DLG4: variants seen among roughly 807,000 people sequenced by gnomAD.
The protein encoded by DLG4 is disks large homolog 4.
Under a neutral mutation model 93.8 loss-of-function variants are expected in DLG4, and 7 were observed. That is an observed-to-expected ratio of 0.07 (90% CI 0.04 to 0.14). The LOEUF is 0.14. Among genes scored for constraint, DLG4 ranks in the 10% least tolerant of loss-of-function variants. The pLI is 1.00. For missense variants in DLG4, 545 were observed against 992.9 expected (o/e 0.55, Z 6.06); for synonymous variants, 341 against 387.6 (o/e 0.88, Z 1.41).
intron 1 of DLG4, among the ~76,000 whole-genome samples, chr17:7,214,421 G>T (rs1426794205): frequency 6.6e-6 from 1 of 152,044 alleles, no homozygotes; most frequent in Non-Finnish European, 1.5e-5. Flanking sequence ...CTGCCCGGGA[G>T]GCCACGCCTC....
upstream of DLG4, chr17:7,219,122 T>C (rs2071069449): frequency 1.9e-6 from 1 of 535,882 alleles, no homozygotes; most frequent in South Asian, 2.5e-5. Flanking sequence ...AAAAAGAAGC[T>C]GAGCCCAGCT....
At chr17:7,219,734 A>G, upstream of DLG4, 1 of 1,436,264 alleles carries the variant, frequency 7.0e-7, no homozygotes, top group Non-Finnish European at 9.1e-7. Flanking sequence ...GGAGGACTAG[A>G]CTCTAGGTCG....
chr17:7,217,632 A>G (rs1438124761), upstream of DLG4: 1 of 1,133,278 alleles, frequency 8.8e-7, no homozygotes, highest in Non-Finnish European at 1.2e-6. Context: ...AGGAGGAGAG[A>G]GGAAGCAGGG....
At chr17:7,201,849 C>T (rs1325545491) in intron 8 of DLG4, among the ~76,000 whole-genome samples, 3 of 152,096 alleles carry the variant, frequency 2.0e-5, no homozygotes, top group Non-Finnish European at 4.4e-5. Context: ...CCACTGCACT[C>T]CAGCCTGGGC....
rs1023167681 is a variant in DLG4, at chr17:7,187,898, G to A, written c.*2810C>T. On this transcript the variant is annotated 3_prime_UTR_variant, in exon 20 of 20. Coordinates refer to ENST00000399506, the MANE Select transcript of DLG4 (RefSeq NM_001321075.3). The stretch of plus-strand genomic sequence containing the variant: ...AGCTTGGCTAACATGGTGAAACCCC[G>A]TTTCTACTAAAAATATTAAAAAATA... Among the ~76,000 whole-genome samples, 8 of 151,978 alleles carry A rather than the reference G, an allele frequency of 5.3e-5. No homozygotes were observed. Among genetic ancestry groups the A allele is most frequent in the Non-Finnish European group, 1.0e-4 (7 of 67,974 alleles).
Position 7,195,627 on chromosome 17 carries a change from C to T in DLG4, c.1301+593G>A, listed in dbSNP as rs2069734034. Among the ~76,000 whole-genome samples, 1 of 152,140 alleles carries T rather than the reference C, an allele frequency of 6.6e-6. No individual in the cohort carries two copies. The highest frequency in any genetic ancestry group is 1.5e-5 in the Non-Finnish European group (1 of 68,022). ...CTGGAAATAGGTCAGCCAGGGCCAG[C>T]ACCTCCGAGAGACATCTGCAGAGCG... On this transcript the variant is annotated intron_variant, in intron 11 of 19. Transcript: ENST00000399506. The surrounding 1 kb of genome is among the most constrained non-coding windows in gnomAD (Gnocchi z 4.3).
Position 7,212,674 on chromosome 17 carries a change from G to A in DLG4, c.31-4435C>T, listed in dbSNP as rs2070755914. 2.0e-5 allele frequency among the ~76,000 whole-genome samples: 3 copies of A among 152,098 alleles called. No homozygotes were observed. In the South Asian group the frequency reaches 6.2e-4, roughly 32 times the overall value. ...AACTCTTATAAAAAGAAATGTAGAC[G>A]GGAAGATCGCTGGAGGCCAGGTGCC... On this transcript the variant is annotated intron_variant, in intron 1 of 19. Coordinates refer to ENST00000399506, the MANE Select transcript of DLG4 (RefSeq NM_001321075.3).
rs1369237010 is a variant in DLG4, at chr17:7,208,339, G to C, written c.31-100C>G. On this transcript the variant is annotated intron_variant, in intron 1 of 19. Coordinates refer to ENST00000399506, the MANE Select transcript of DLG4 (RefSeq NM_001321075.3). The surrounding 1 kb of genome is among the most constrained non-coding windows in gnomAD (Gnocchi z 5.4). ...CCTCTTCCCCCAGCCAGTGCAGTGC[G>C]GAAGGCCCTGGGGCCTGACCAGCTC... 1 of 1,101,440 alleles carries C rather than the reference G, an allele frequency of 9.1e-7. No homozygotes were observed. The highest frequency in any genetic ancestry group is 1.2e-6 in the Non-Finnish European group (1 of 841,404). The allele number at this position is 1,101,440 out of a possible 1,614,324, so 68.2% of individuals were successfully genotyped here. A position where few individuals can be genotyped will look rare whatever the true frequency, so the allele number is the denominator to read the frequency against.
intron 2 of DLG4, 184 bp from the exon 3 acceptor site, chr17:7,204,436 C>G: frequency 1.6e-6 from 1 of 611,296 alleles, no homozygotes. Flanking sequence ...CGTGCACATG[C>G]GCACGCGCAC....
chr17:7,201,192 T>C (rs1156598223), intron 8 of DLG4, among the ~76,000 whole-genome samples: 2 of 152,218 alleles, frequency 1.3e-5, no homozygotes, highest in Admixed American at 1.3e-4. Context: ...TAACTTTGCA[T>C]ATTTTTCCAG....
In DLG4 at chr17:7,203,154, C is replaced by T; in HGVS notation, c.642+39G>A. Reference sequence around the variant, plus strand: ...CCTGCCAGGGCTAGTAGGTGAGACCCAAATCTGGGCTAGAAAATGGGCTAG... The same window carrying T: ...CCTGCCAGGGCTAGTAGGTGAGACCTAAATCTGGGCTAGAAAATGGGCTAG... On this transcript the variant is annotated intron_variant, in intron 7 of 19. Transcript: ENST00000399506. This position sits in a 1 kb window ranked among gnomAD's most constrained non-coding sequence, Gnocchi z 7.2. The T allele has an allele frequency of 6.4e-7, 1 of 1,571,608 alleles. No homozygotes were observed. Among genetic ancestry groups the T allele is most frequent in the Non-Finnish European group, 8.7e-7 (1 of 1,150,798 alleles).
At chr17:7,202,591 T>C (rs1372087224) in intron 8 of DLG4, 1 of 478,836 alleles carries the variant, frequency 2.1e-6, no homozygotes, top group South Asian at 5.0e-5. Context: ...TAAAATGAAA[T>C]GTGAAATCTT....
intron 8 of DLG4, among the ~76,000 whole-genome samples, chr17:7,198,792 G>A (rs1394571867): frequency 1.3e-5 from 2 of 149,806 alleles, no homozygotes. Flanking sequence ...AGGTTGCAGT[G>A]AGCCAAGATC....
Position 7,203,092 on chromosome 17 carries a change from C to A in DLG4, c.643-45G>T, listed in dbSNP as rs2070238376. On this transcript the variant is annotated intron_variant, in intron 7 of 19. Coordinates refer to ENST00000399506, the MANE Select transcript of DLG4 (RefSeq NM_001321075.3). This position sits in a 1 kb window ranked among gnomAD's most constrained non-coding sequence, Gnocchi z 7.2. ...AGCTCAGACAAAGCCACAAATGGCC[C>A]AAGACAGAAGCACTGGGGTGAAGTG... 6.9e-6 allele frequency: 11 copies of A among 1,583,716 alleles called. No homozygotes were observed. Among genetic ancestry groups the A allele is most frequent in the Non-Finnish European group, 9.5e-6 (11 of 1,158,240 alleles).
In DLG4 at chr17:7,203,685, TC is replaced by T. The variant is rs776790753; in HGVS notation, c.335+6del. On this transcript the variant is annotated splice_donor_region_variant and intron_variant, in intron 5 of 19. Transcript: ENST00000399506. The surrounding 1 kb of genome is among the most constrained non-coding windows in gnomAD (Gnocchi z 7.2). ...CAAGCAACCTAACCCCTGTCTCCTC[TC>T]CCCACCTGAGGCGGCCATCCTGGGC... The T allele has an allele frequency of 6.2e-7, 1 of 1,613,794 alleles. No individual in the cohort carries two copies. Among genetic ancestry groups the T allele is most frequent in the South Asian group, 1.1e-5 (1 of 91,062 alleles).
intron 1 of DLG4, among the ~76,000 whole-genome samples, chr17:7,212,823 A>C (rs2070760253): frequency 6.6e-6 from 1 of 152,092 alleles, no homozygotes; most frequent in Non-Finnish European, 1.5e-5. Context: ...TCATGAGGTC[A>C]GGCGTTCCAG....
At chr17:7,207,027 ACCAGG>A (rs2070494605) in intron 2 of DLG4, among the ~76,000 whole-genome samples, 1 of 151,980 alleles carries the variant, frequency 6.6e-6, no homozygotes, top group African/African-American at 2.4e-5. Context: ...GGTCCCAGAA[ACCAGG>A]CCTCCCGGGA....
chr17:7,195,471 C>A lies in DLG4; in HGVS notation c.1301+749G>T, dbSNP rs1045305830. ...TCCAACAAGAGGGAAACTGCTGGCA[C>A]AGCAAGATGGAACCCAGGCCCACAG... is the stretch of plus-strand genomic sequence containing the variant. On this transcript the variant is annotated intron_variant, in intron 11 of 19. Coordinates refer to ENST00000399506, the MANE Select transcript of DLG4 (RefSeq NM_001321075.3). This position sits in a 1 kb window ranked among gnomAD's most constrained non-coding sequence, Gnocchi z 4.3. Among the ~76,000 whole-genome samples, 4 of 152,214 alleles carry A rather than the reference C, an allele frequency of 2.6e-5. No individual in the cohort carries two copies. Among genetic ancestry groups the A allele is most frequent in the Non-Finnish European group, 5.9e-5 (4 of 68,040 alleles).
intron 17 of DLG4, 40 bp downstream of exon 17, chr17:7,192,905 A>C: frequency 6.4e-7 from 1 of 1,555,530 alleles, no homozygotes; most frequent in East Asian, 2.4e-5. Flanking sequence ...GGGTGGGGAG[A>C]GGGGAGAAGG....
Sources: allele counts gnomAD v4.1 joint callset (sites outside exome capture counted in the v4.1 genomes callset), GRCh38; gene constraint gnomAD v4.1.1; non-coding constraint Gnocchi (gnomAD v3.1); transcripts MANE v1.5; gene names NCBI Gene and HGNC (gene_info 2026-07-23, HGNC 2026-07-21).